The following DCC variants were observed in gnomAD, a reference collection of about 807,000 sequenced individuals.
DCC encodes netrin receptor DCC.
A neutral mutation model predicts 172.5 loss-of-function variants in DCC; 58 were observed. The observed-to-expected ratio is 0.34, with a 90% confidence interval of 0.27 to 0.42. The LOEUF (loss-of-function observed/expected upper bound fraction) is 0.42, where lower values mean the gene tolerates loss of function less well. DCC is among the 10% of genes least tolerant of loss of function. The pLI is 1.00. For missense variants in DCC, 1,740 were observed against 1,791.0 expected (o/e 0.97, Z 0.51); for synonymous variants, 709 against 644.5 (o/e 1.10, Z -1.52).
At chr18:52,736,618 C>T (rs1465329661) in intron 1 of DCC, among the ~76,000 whole-genome samples, 1 of 152,026 alleles carries the variant, frequency 6.6e-6, no homozygotes, top group Non-Finnish European at 1.5e-5. Flanking sequence ...ATAGGGTTGG[C>T]TAATATTATT....
intron 7 of DCC, among the ~76,000 whole-genome samples, chr18:53,074,775 A>G (rs909213843): frequency 4.6e-5 from 7 of 152,150 alleles, no homozygotes; most frequent in Non-Finnish European, 8.8e-5. Flanking sequence ...AGATGTGTCC[A>G]CATCTCATTT....
At chr18:53,143,187 C>G (rs551856854) in intron 7 of DCC, among the ~76,000 whole-genome samples, 1 of 152,068 alleles carries the variant, frequency 6.6e-6, no homozygotes, top group African/African-American at 2.4e-5. Context: ...GCAAGCATAT[C>G]AATCTAGCCC....
chr18:52,873,843 G>T (rs2039360205), intron 2 of DCC, among the ~76,000 whole-genome samples: 1 of 152,186 alleles, frequency 6.6e-6, no homozygotes, highest in Admixed American at 6.5e-5. Flanking sequence ...GTGAATATCG[G>T]CTAATGAGTG....
chr18:52,958,404 A>T (rs2040783252), intron 5 of DCC, among the ~76,000 whole-genome samples: 1 of 152,196 alleles, frequency 6.6e-6, no homozygotes, highest in Admixed American at 6.5e-5. Context: ...GTACTTGGAT[A>T]TGAGAGAGAA....
intron 1 of DCC, among the ~76,000 whole-genome samples, chr18:52,643,772 G>T (rs1002628661): frequency 6.6e-6 from 1 of 152,140 alleles, no homozygotes; most frequent in Non-Finnish European, 1.5e-5. Flanking sequence ...AACAAATGGG[G>T]TCATGAGTGC....
chr18:53,393,011 C>G (rs1908666319), intron 17 of DCC, among the ~76,000 whole-genome samples: 1 of 152,150 alleles, frequency 6.6e-6, no homozygotes, highest in South Asian at 2.1e-4. Flanking sequence ...CTTTTGTGTT[C>G]TCTTAACCGC....
At chr18:53,315,499 AT>A (rs1329497046) in intron 13 of DCC, among the ~76,000 whole-genome samples, 1 of 152,174 alleles carries the variant, frequency 6.6e-6, no homozygotes, top group African/African-American at 2.4e-5. Flanking sequence ...CGCTGGGTCA[AT>A]TGGTATTTCT....
chr18:53,453,154 A>G (rs2045438382), intron 23 of DCC, among the ~76,000 whole-genome samples: 1 of 152,116 alleles, frequency 6.6e-6, no homozygotes, highest in Admixed American at 6.6e-5. Context: ...TGACTTCATG[A>G]TCTGCCCGCC....
intron 2 of DCC, among the ~76,000 whole-genome samples, chr18:52,781,461 G>A (rs988342723): frequency 6.6e-6 from 1 of 152,142 alleles, no homozygotes; most frequent in African/African-American, 2.4e-5. Flanking sequence ...TAGTCAACGT[G>A]TGTTGAATAC....
intron 2 of DCC, among the ~76,000 whole-genome samples, chr18:52,802,117 A>G (rs1183597061): frequency 6.6e-6 from 1 of 152,088 alleles, no homozygotes; most frequent in Non-Finnish European, 1.5e-5. Context: ...TAGCATGGCA[A>G]TAAGATACAG....
intron 1 of DCC, among the ~76,000 whole-genome samples, chr18:52,634,737 C>T (rs2034740849): frequency 1.3e-5 from 2 of 152,094 alleles, no homozygotes; most frequent in Admixed American, 1.3e-4. Context: ...TGTCGTATTT[C>T]TTTGGTATCT....
chr18:52,951,214 C>G (rs959977582), intron 5 of DCC, among the ~76,000 whole-genome samples: 7 of 152,068 alleles, frequency 4.6e-5, no homozygotes, highest in African/African-American at 1.2e-4. Context: ...TTTCAGAGTT[C>G]TAGTCCAGAA....
intron 25 of DCC, among the ~76,000 whole-genome samples, chr18:53,473,418 A>G (rs779858493): frequency 1.4e-4 from 22 of 152,226 alleles, no homozygotes; most frequent in Non-Finnish European, 2.8e-4. Flanking sequence ...GTAACACATC[A>G]ATGTTTGGAG....
At chr18:53,341,467 A>G (rs1189993285) in intron 15 of DCC, among the ~76,000 whole-genome samples, 1 of 152,222 alleles carries the variant, frequency 6.6e-6, no homozygotes, top group African/African-American at 2.4e-5. Context: ...TATATTCTAA[A>G]GAGCTAGGAA....
chr18:53,137,909 G>A (rs748158640), intron 7 of DCC, among the ~76,000 whole-genome samples: 6 of 151,702 alleles, frequency 4.0e-5, no homozygotes, highest in Non-Finnish European at 8.8e-5. Flanking sequence ...GCTGCCTCCT[G>A]GGCTCAAGCA....
At chr18:52,878,527 A>G (rs2039435561) in intron 2 of DCC, among the ~76,000 whole-genome samples, 1 of 152,154 alleles carries the variant, frequency 6.6e-6, no homozygotes, top group South Asian at 2.1e-4. Flanking sequence ...TTCTGCTTAG[A>G]ATGTTTTAAC....
chr18:52,704,645 C>A lies in DCC; in HGVS notation c.92-47409C>A, dbSNP rs142153720. Among the ~76,000 whole-genome samples the A allele has an allele frequency of 4.3e-4, 66 of 152,312 alleles. No individual in the cohort carries two copies. The East Asian group carries it at 0.011, about 24-fold the overall frequency. ...ATGATGTGCCCTCTTGTTATACAAA[C>A]AACCACCAGCTATCAGCCATCAAGT... On this transcript the variant is annotated intron_variant, in intron 1 of 28. Coordinates refer to ENST00000442544, the MANE Select transcript of DCC (RefSeq NM_005215.4).
intron 1 of DCC, among the ~76,000 whole-genome samples, chr18:52,357,651 TC>T (rs1324018688): frequency 6.6e-6 from 1 of 152,024 alleles, no homozygotes; most frequent in African/African-American, 2.4e-5. Context: ...GCGACTTCCT[TC>T]CGAAGACTAT....
chr18:52,918,020 A>G (rs1176679972), intron 3 of DCC, among the ~76,000 whole-genome samples: 2 of 152,154 alleles, frequency 1.3e-5, no homozygotes, highest in African/African-American at 4.8e-5. Flanking sequence ...ACTATTGTCA[A>G]ATATGTTTTC....
Sources: allele counts gnomAD v4.1 joint callset (sites outside exome capture counted in the v4.1 genomes callset), GRCh38; gene constraint gnomAD v4.1.1; transcripts MANE v1.5; gene names NCBI Gene and HGNC (gene_info 2026-07-23, HGNC 2026-07-21).